HEATR1: variants seen among roughly 807,000 people sequenced by gnomAD.
HEATR1 encodes the protein HEAT repeat-containing protein 1.
In HEATR1, 77 loss-of-function variants were observed where a neutral mutation model predicts 248.2. The ratio of observed to expected loss-of-function variants is 0.31; its 90% CI spans 0.26 to 0.37. The LOEUF is 0.37. HEATR1 is among the 10% of genes least tolerant of loss of function. The probability of loss-of-function intolerance (pLI) is 1.00; values close to 1 mark genes in which losing one functional copy is unlikely to be tolerated. For missense variants in HEATR1, 2,420 were observed against 2,504.9 expected (o/e 0.97, Z 0.72); for synonymous variants, 897 against 923.1 (o/e 0.97, Z 0.51).
At chr1:236,582,919 T>C (rs1663791002) in intron 18 of HEATR1, 47 bp from the exon 19 acceptor site, 26 of 1,608,782 alleles carry the variant, frequency 1.6e-5, no homozygotes, top group Non-Finnish European at 2.2e-5. Flanking sequence ...TACATGAACA[T>C]GCTGGGAGCT....
chr1:236,557,132 C>T (rs1405386972), intron 37 of HEATR1, 63 bp downstream of exon 37: 2 of 1,533,874 alleles, frequency 1.3e-6, no homozygotes, highest in East Asian at 2.3e-5. Context: ...AAAATCACTA[C>T]ATTTGTGATC....
At chr1:236,593,024 G>C (rs945275265) in intron 9 of HEATR1, among the ~76,000 whole-genome samples, 5 of 152,122 alleles carry the variant, frequency 3.3e-5, no homozygotes, top group African/African-American at 9.7e-5. Flanking sequence ...GTGAAACCTT[G>C]TCTCTACTAA....
In HEATR1 at chr1:236,559,707, C is replaced by A. The variant is rs192017349; in HGVS notation, c.4770+7G>T. 1.1e-3 allele frequency: 1,725 copies of A among 1,601,678 alleles called. No homozygotes were observed. The highest frequency in any genetic ancestry group is 1.3e-3 in the Non-Finnish European group (1,581 of 1,173,074). Reference sequence around the variant, plus strand: ...AACAGTAATTCCAGGGAGAAATGAACACCTACCTTATCTAACAGGTCGTAA... The same window carrying A: ...AACAGTAATTCCAGGGAGAAATGAAAACCTACCTTATCTAACAGGTCGTAA... On this transcript the variant is annotated splice_region_variant and intron_variant, in intron 34 of 44. Transcript: ENST00000366582.
intron 30 of HEATR1, among the ~76,000 whole-genome samples, chr1:236,566,261 G>A (rs1157104085): frequency 6.6e-6 from 1 of 152,108 alleles, no homozygotes; most frequent in Non-Finnish European, 1.5e-5. Flanking sequence ...ACCTGTGTTT[G>A]TGTCTTACTG....
intron 20 of HEATR1, 32 bp from the exon 21 acceptor site, chr1:236,576,981 C>A: frequency 6.6e-7 from 1 of 1,523,388 alleles, no homozygotes; most frequent in South Asian, 1.3e-5. Context: ...ATTTAAGAAA[C>A]AATTTTAAAA....
At chr1:236,585,369 T>A (rs1572047905) in intron 16 of HEATR1, among the ~76,000 whole-genome samples, 153 bp from the exon 17 acceptor site, 1 of 152,234 alleles carries the variant, frequency 6.6e-6, no homozygotes, top group African/African-American at 2.4e-5. Flanking sequence ...GATTTCTAAG[T>A]AATTATAAGA....
At chr1:236,603,888 A>G (rs1415807469) in intron 2 of HEATR1, 66 bp downstream of exon 2, 4 of 1,551,230 alleles carry the variant, frequency 2.6e-6, no homozygotes, top group Non-Finnish European at 3.5e-6. Context: ...AGGGGAAAAA[A>G]AAAAAACAGT....
chr1:236,596,286 A>G (rs2103154621), intron 6 of HEATR1, among the ~76,000 whole-genome samples: 1 of 152,342 alleles, frequency 6.6e-6, no homozygotes, highest in South Asian at 2.1e-4. Flanking sequence ...CATCTACCAC[A>G]TGTCCTGACA....
intron 32 of HEATR1, among the ~76,000 whole-genome samples, chr1:236,561,538 T>C (rs1558179423): frequency 6.6e-6 from 1 of 152,206 alleles, no homozygotes; most frequent in Non-Finnish European, 1.5e-5. Flanking sequence ...CAATTAGCAC[T>C]ACCGAATTCT....
rs116391061 is a variant in HEATR1 at position 236,596,322 on chromosome 1, C to T, written c.745-278G>A. 3.2e-3 allele frequency among the ~76,000 whole-genome samples: 494 copies of T among 152,292 alleles called. 1 individual carries two copies. The highest frequency in any genetic ancestry group is 0.011 in the African/African-American group (474 of 41,558). The stretch of plus-strand genomic sequence containing the variant: ...GGAGCCAGTAAGCTCTTCTTTTATA[C>T]ATAAAATCCTACTTATAGTAGGGAG... On this transcript the variant is annotated intron_variant, in intron 6 of 44. Transcript: ENST00000366582.
At position 236,553,638 on chromosome 1, in the gene HEATR1, A is replaced by G; in HGVS notation, c.6180T>C (p.Ser2060=). The G allele has an allele frequency of 1.2e-6, 2 of 1,614,028 alleles. No homozygotes were observed. Among genetic ancestry groups the G allele is most frequent in the Non-Finnish European group, 1.7e-6 (2 of 1,179,986 alleles). The change falls in exon 43 of 45, where the codon TCT becomes TCC. Residue 2060 remains serine (S), a synonymous_variant. Transcript: ENST00000366582. ...TCTGGTAGTTCAGTGGTTTCCAAAG[A>G]GAGTCATCCGCCATGGCCACCGAAA... ...AQFSVAMADD[S]LWKPLNYQIL... is the part of the protein sequence containing the mutation.
At chr1:236,560,482 C>T (rs1663102397) in intron 33 of HEATR1, among the ~76,000 whole-genome samples, 1 of 152,116 alleles carries the variant, frequency 6.6e-6, no homozygotes, top group Non-Finnish European at 1.5e-5. Context: ...TGACACCGCA[C>T]AGCAGAGGAG....
At position 236,585,054 on chromosome 1, in the gene HEATR1, T is replaced by G. The variant is rs556876977; in HGVS notation, c.2212A>C (p.Lys738Gln). 6.2e-7 allele frequency: 1 copy of G among 1,613,344 alleles called. No homozygotes were observed. Among genetic ancestry groups the G allele is most frequent in the South Asian group, 1.1e-5 (1 of 90,906 alleles). ...GCAGTAATGACACTTTCAAGCTTCTTTATTTTTTTCTGCAACAAACTGAAG... is the reference window on the plus strand; with the variant it reads ...GCAGTAATGACACTTTCAAGCTTCTGTATTTTTTTCTGCAACAAACTGAAG... Reference protein sequence around the residue: ...RVFSLLQKKIKKLESVITAVE... With the variant: ...RVFSLLQKKIQKLESVITAVE... The change falls in exon 17 of 45, where the codon AAG becomes CAG. Residue 738 changes from lysine (K) to glutamine (Q), a missense_variant. Coordinates refer to ENST00000366582, the MANE Select transcript of HEATR1 (RefSeq NM_018072.6).
At position 236,558,229 on chromosome 1, in the gene HEATR1, C is replaced by T. The variant is rs376005888; in HGVS notation, c.5204+8G>A. On this transcript the variant is annotated splice_region_variant and intron_variant, in intron 36 of 44. Coordinates refer to ENST00000366582, the MANE Select transcript of HEATR1 (RefSeq NM_018072.6). ...AACAGCTCCTGTTCCAAGTCTCCGG[C>T]CGCATACCTGGGAAGCTGGGGGATG... 53 of 1,607,844 alleles carry T rather than the reference C, an allele frequency of 3.3e-5. No individual in the cohort carries two copies. In the African/African-American group the frequency reaches 4.0e-4, roughly 12 times the overall value.
chr1:236,550,922 G>C lies in HEATR1; in HGVS notation c.6415C>G (p.Pro2139Ala), dbSNP rs573400289. Reference protein sequence around the residue: ...IQQLETVLGEPLQSYF With the variant: ...IQQLETVLGEALQSYF ...AAGTCTTAGAAATAGCTCTGGAGTGGCTCTCCCAGGACAGTTTCCAGTTGC... is the reference window on the plus strand; with the variant it reads ...AAGTCTTAGAAATAGCTCTGGAGTGCCTCTCCCAGGACAGTTTCCAGTTGC... Residue 2139 changes from proline to alanine, a missense_variant, in exon 45 of 45, where the codon CCA becomes GCA. Pro to Ala is a conservative substitution (Grantham distance 27). Coordinates refer to ENST00000366582, the MANE Select transcript of HEATR1 (RefSeq NM_018072.6). 5.6e-6 allele frequency: 9 copies of C among 1,607,038 alleles called. No homozygotes were observed. The highest frequency in any genetic ancestry group is 4.5e-5 in the East Asian group (2 of 44,786).
rs1237821320 is a variant in HEATR1, at chr1:236,559,031, G to A, written c.4875C>T (p.Asn1625=). 3.7e-6 allele frequency: 6 copies of A among 1,611,694 alleles called. No homozygotes were observed. In the South Asian group the frequency reaches 4.4e-5, roughly 12 times the overall value. The change falls in exon 35 of 45, where the codon AAC becomes AAT. Residue 1625 remains asparagine (N), a synonymous_variant. Transcript: ENST00000366582. ...VRRKALDLLN[N]KLQQNISWKK... ...TCCAGGATATATTTTGCTGCAGCTT[G>A]TTATTCAAAAGGTCCAGCGCTTTGC...
At chr1:236,590,997 G>T in intron 11 of HEATR1, 43 bp from the exon 12 acceptor site, 2 of 1,012,134 alleles carry the variant, frequency 2.0e-6, no homozygotes, top group South Asian at 5.4e-5. Context: ...CACTTAATCT[G>T]AACAGTCTAT....
In HEATR1 at chr1:236,571,592, G is replaced by C. The variant is rs201125369; in HGVS notation, c.3802C>G (p.Pro1268Ala). ...CLLNICQKLSPDGGKIPKDIL... is the reference protein window; with the variant it reads ...CLLNICQKLSADGGKIPKDIL... ...CCTTTGGGTATTTTGCCACCATCTG[G>C]AGATAGTTTTTGGCAGATGTTGAGC... The change falls in exon 27 of 45, where the codon CCA (proline) becomes GCA (alanine). Residue 1268 changes from proline (P) to alanine (A), a missense_variant. By Grantham distance (27) the Pro-to-Ala change is conservative (BLOSUM62 -1). Coordinates refer to ENST00000366582, the MANE Select transcript of HEATR1 (RefSeq NM_018072.6). The C allele has an allele frequency of 8.7e-6, 14 of 1,613,898 alleles. No individual in the cohort carries two copies. Among genetic ancestry groups the C allele is most frequent in the Non-Finnish European group, 5.9e-6 (7 of 1,179,824 alleles).
intron 37 of HEATR1, 124 bp downstream of exon 37, chr1:236,557,071 A>C (rs949782829): frequency 1.0e-6 from 1 of 985,428 alleles, no homozygotes; most frequent in African/African-American, 1.6e-5. Context: ...ACATCTCTTC[A>C]GAAATAAGAC....
Sources: gnomAD v4.1 joint callset for allele counts (sites outside exome capture counted in the v4.1 genomes callset) on GRCh38, gnomAD v4.1.1 for gene constraint, MANE v1.5 for transcripts, NCBI Gene and HGNC (gene_info 2026-07-23, HGNC 2026-07-21) for gene names.